RALGPS1: variants seen among roughly 807,000 people sequenced by gnomAD.
RALGPS1 encodes ras-specific guanine nucleotide-releasing factor RalGPS1.
A neutral mutation model predicts 78.8 loss-of-function variants in RALGPS1; 19 were observed. The observed-to-expected ratio is 0.24, with a 90% CI of 0.17 to 0.35. RALGPS1 has a LOEUF of 0.35. Ranked by LOEUF, RALGPS1 falls within the 10% of genes least tolerant of loss-of-function variation. The pLI is 1.00. For synonymous variants in RALGPS1, 228 were observed against 256.3 expected, an observed-to-expected ratio of 0.89 and a Z score of 1.06; for missense variants, 454 against 688.3, an observed-to-expected ratio of 0.66 and a Z score of 3.81.
At chr9:127,194,198 G>A (rs997711406) in intron 11 of RALGPS1, among the ~76,000 whole-genome samples, 2 of 152,222 alleles carry the variant, frequency 1.3e-5, no homozygotes, top group African/African-American at 2.4e-5. Context: ...CACCTGCAAG[G>A]TGAGTTGAAT....
intron 8 of RALGPS1, chr9:127,088,854 T>G: frequency 2.7e-6 from 4 of 1,487,898 alleles, no homozygotes; most frequent in Non-Finnish European, 3.7e-6. Flanking sequence ...GATGAACTGG[T>G]GAGGAGTTGT....
intron 4 of RALGPS1, among the ~76,000 whole-genome samples, chr9:126,998,412 A>G (rs1461796593): frequency 2.0e-5 from 3 of 152,246 alleles, no homozygotes. Flanking sequence ...AAACACATGA[A>G]AAAATGCTCA....
intron 1 of RALGPS1, among the ~76,000 whole-genome samples, chr9:126,947,364 C>A (rs2037377403): frequency 6.6e-6 from 1 of 152,176 alleles, no homozygotes; most frequent in Admixed American, 6.5e-5. Flanking sequence ...GCTCCAAAAT[C>A]TGAGACTCTT....
At chr9:127,150,351 AG>A (rs1588177485) in intron 8 of RALGPS1, among the ~76,000 whole-genome samples, 2 of 152,348 alleles carry the variant, frequency 1.3e-5, no homozygotes, top group East Asian at 3.9e-4. Context: ...CCCTCACCGA[AG>A]GAGAGAAGCA....
chr9:127,012,046 G>C (rs533435307), intron 4 of RALGPS1, among the ~76,000 whole-genome samples: 1 of 152,190 alleles, frequency 6.6e-6, no homozygotes, highest in Non-Finnish European at 1.5e-5. Flanking sequence ...CCCAATTGCA[G>C]GGTGTGGAGG....
intron 8 of RALGPS1, among the ~76,000 whole-genome samples, chr9:127,137,296 T>C (rs1342509620): frequency 1.3e-5 from 2 of 152,180 alleles, no homozygotes; most frequent in Non-Finnish European, 1.5e-5. Flanking sequence ...TCTAGGCCAG[T>C]TGGAGTCCTT....
At chr9:127,096,367 G>A (rs1028830636) in intron 8 of RALGPS1, among the ~76,000 whole-genome samples, 2 of 152,274 alleles carry the variant, frequency 1.3e-5, no homozygotes, top group Admixed American at 6.5e-5. Context: ...GCCGTTCGAT[G>A]TGAATGCTGG....
chr9:127,144,593 A>G (rs1414523766), intron 8 of RALGPS1, among the ~76,000 whole-genome samples: 1 of 152,256 alleles, frequency 6.6e-6, no homozygotes, highest in African/African-American at 2.4e-5. Context: ...AAGCATGGAA[A>G]CAACTGAAAT....
At chr9:127,018,452 G>A (rs1051852767) in intron 4 of RALGPS1, among the ~76,000 whole-genome samples, 39 of 151,984 alleles carry the variant, frequency 2.6e-4, no homozygotes, top group African/African-American at 8.9e-4. Context: ...TGCCGAACAC[G>A]GTGAAACTCC....
At position 127,020,335 on chromosome 9, in the gene RALGPS1, C is replaced by G. The variant is rs58631300; in HGVS notation, c.217-14096C>G. Among the ~76,000 whole-genome samples the G allele has an allele frequency of 2.6e-3, 396 of 152,292 alleles. 2 individuals are homozygous for G. The highest frequency in any genetic ancestry group is 9.1e-3 in the African/African-American group (376 of 41,544). On this transcript the variant is annotated intron_variant, in intron 4 of 18. Transcript: ENST00000259351. ...GCACCTTCCTGTGAAGCAGGTACTT[C>G]CAAAAATTTCATTTTGTATTCCCAG...
At chr9:126,957,289 T>C (rs956583552) in intron 1 of RALGPS1, among the ~76,000 whole-genome samples, 14 of 152,346 alleles carry the variant, frequency 9.2e-5, no homozygotes, top group African/African-American at 3.4e-4. Flanking sequence ...GTTGAAGGGC[T>C]GTGAGACTTG....
intron 8 of RALGPS1, among the ~76,000 whole-genome samples, chr9:127,109,090 G>C (rs1347100452): frequency 6.6e-6 from 1 of 152,218 alleles, no homozygotes; most frequent in African/African-American, 2.4e-5. Context: ...TCCTGGCCTA[G>C]AGCCTGAGAA....
At chr9:127,014,142 G>A (rs571814152) in intron 4 of RALGPS1, among the ~76,000 whole-genome samples, 1 of 152,282 alleles carries the variant, frequency 6.6e-6, no homozygotes, top group South Asian at 2.1e-4. Flanking sequence ...AGAGCAGCCC[G>A]GGCCTGAGGT....
Position 126,932,194 on chromosome 9 carries a change from T to G in RALGPS1, c.-66+17219T>G, listed in dbSNP as rs181179374. 2.3e-4 allele frequency among the ~76,000 whole-genome samples: 35 copies of G among 152,294 alleles called. No individual in the cohort carries two copies. The East Asian group carries it at 6.5e-3, about 28-fold the overall frequency. ...CTTGAAAAGGGATTGTGGTACTTGG[T>G]GGTATCTTTCTTACTAGAATGGCTA... On this transcript the variant is annotated intron_variant, in intron 1 of 18. Coordinates refer to ENST00000259351, the MANE Select transcript of RALGPS1 (RefSeq NM_014636.3).
At chr9:127,089,191 C>G (rs1009555657) in intron 8 of RALGPS1, 3 of 1,588,550 alleles carry the variant, frequency 1.9e-6, no homozygotes, top group Middle Eastern at 1.8e-4. Flanking sequence ...ATTCTACTTG[C>G]GTCCATAGTG....
At chr9:127,195,327 G>A (rs965905108) in intron 12 of RALGPS1, 110 bp downstream of exon 12, 14 of 1,405,852 alleles carry the variant, frequency 1.0e-5, no homozygotes, top group South Asian at 4.0e-5. Context: ...GCCCTGTTCT[G>A]GGAGTTGCTG....
At chr9:127,079,611 G>C (rs377257461) in intron 8 of RALGPS1, 3 of 152,190 alleles carry the variant, frequency 2.0e-5, no homozygotes, top group East Asian at 1.9e-4. Flanking sequence ...GAATCCAGCT[G>C]CTCTGTGTTT....
At chr9:127,168,911 C>A (rs1208428495) in intron 10 of RALGPS1, 139 bp downstream of exon 10, 3 of 670,670 alleles carry the variant, frequency 4.5e-6, no homozygotes, top group African/African-American at 3.6e-5. Flanking sequence ...ACAGCAGTAG[C>A]GCCCAGGCCC....
chr9:127,194,709 G>A (rs1243833327), intron 11 of RALGPS1, among the ~76,000 whole-genome samples: 3 of 152,162 alleles, frequency 2.0e-5, no homozygotes, highest in Admixed American at 6.5e-5. Flanking sequence ...CACCACACCC[G>A]GCCTAGAAGA....
Sources: allele counts gnomAD v4.1 joint callset (sites outside exome capture counted in the v4.1 genomes callset), GRCh38; gene constraint gnomAD v4.1.1; transcripts MANE v1.5; gene names NCBI Gene and HGNC (gene_info 2026-07-23, HGNC 2026-07-21).